Variants in ARHGAP32 observed in about 807,000 individuals in gnomAD.
ARHGAP32 encodes rho GTPase-activating protein 32.
A neutral mutation model predicts 186.5 loss-of-function variants in ARHGAP32; 51 were observed. The observed-to-expected ratio is 0.27, with a 90% CI of 0.22 to 0.35. The LOEUF is 0.35. Among genes scored for constraint, ARHGAP32 ranks in the 10% least tolerant of loss-of-function variants. ARHGAP32 has a pLI of 1.00. For missense variants in ARHGAP32, 2,186 were observed against 2,623.5 expected (o/e 0.83, Z 3.64); for synonymous variants, 950 against 964.3 (o/e 0.99, Z 0.27).
intron 1 of ARHGAP32, among the ~76,000 whole-genome samples, chr11:129,234,134 G>A (rs566533603): frequency 5.5e-4 from 84 of 151,960 alleles, no homozygotes; most frequent in Admixed American, 9.2e-4. Flanking sequence ...AAAAACAAAG[G>A]CTATTGCAAT....
At chr11:129,201,662 T>C (rs892697886) in intron 1 of ARHGAP32, among the ~76,000 whole-genome samples, 2 of 152,140 alleles carry the variant, frequency 1.3e-5, no homozygotes, top group African/African-American at 2.4e-5. Context: ...AACATTTACA[T>C]GTAGTGGTTA....
At chr11:129,227,607 G>A (rs1172020305) in intron 1 of ARHGAP32, among the ~76,000 whole-genome samples, 1 of 151,896 alleles carries the variant, frequency 6.6e-6, no homozygotes, top group Non-Finnish European at 1.5e-5. Flanking sequence ...ATACCAAAAG[G>A]AGAGATGAAA....
intron 10 of ARHGAP32, among the ~76,000 whole-genome samples, chr11:129,047,893 T>C (rs1939880478): frequency 6.6e-6 from 1 of 152,134 alleles, no homozygotes; most frequent in African/African-American, 2.4e-5. Flanking sequence ...TTGTTAGAAT[T>C]AGGAAATATT....
At chr11:129,076,279 C>T (rs1259149872) in intron 6 of ARHGAP32, among the ~76,000 whole-genome samples, 3 of 152,176 alleles carry the variant, frequency 2.0e-5, no homozygotes, top group Non-Finnish European at 4.4e-5. Context: ...AAATAGCCAA[C>T]GAGCGGCCCA....
intron 1 of ARHGAP32, among the ~76,000 whole-genome samples, chr11:129,268,664 C>CAAAAAAAAAAA (rs58858606): frequency 1.5e-4 from 7 of 46,398 alleles, no homozygotes; most frequent in East Asian, 8.8e-4. Context: ...GCCTCCTCAC[C>CAAAAAAAAAAA]AAAAAAAAAA....
At chr11:129,149,057 T>A (rs1943233514) in intron 2 of ARHGAP32, among the ~76,000 whole-genome samples, 1 of 152,190 alleles carries the variant, frequency 6.6e-6, no homozygotes, top group Non-Finnish European at 1.5e-5. Flanking sequence ...GGGGGCTTTA[T>A]GGCCCCATCC....
chr11:129,190,512 C>T (rs1944249668), intron 1 of ARHGAP32, among the ~76,000 whole-genome samples: 1 of 152,210 alleles, frequency 6.6e-6, no homozygotes, highest in Non-Finnish European at 1.5e-5. Context: ...AGCTCAGTTT[C>T]TCAGAGTGAA....
chr11:129,185,552 G>GT (rs1432601726), intron 1 of ARHGAP32, among the ~76,000 whole-genome samples: 8 of 152,108 alleles, frequency 5.3e-5, no homozygotes, highest in African/African-American at 1.9e-4. Context: ...GTATACATAT[G>GT]TAACAAACCT....
chr11:129,258,656 G>A (rs1945284768), intron 1 of ARHGAP32, among the ~76,000 whole-genome samples: 1 of 152,128 alleles, frequency 6.6e-6, no homozygotes, highest in African/African-American at 2.4e-5. Context: ...CACAAAAAGA[G>A]CTTAAAGAAC....
At chr11:129,138,401 G>T (rs1303037383) in intron 2 of ARHGAP32, among the ~76,000 whole-genome samples, 3 of 151,004 alleles carry the variant, frequency 2.0e-5, no homozygotes, top group Non-Finnish European at 4.4e-5. Flanking sequence ...ACCACATAGA[G>T]AACAGTTCAT....
At chr11:129,068,101 G>A (rs1404217911) in intron 6 of ARHGAP32, among the ~76,000 whole-genome samples, 1 of 152,044 alleles carries the variant, frequency 6.6e-6, no homozygotes, top group Non-Finnish European at 1.5e-5. Context: ...AGTCTGGAAA[G>A]GGATCCAGTT....
intron 1 of ARHGAP32, among the ~76,000 whole-genome samples, chr11:129,232,048 A>G (rs1944866596): frequency 6.9e-6 from 1 of 144,348 alleles, no homozygotes; most frequent in South Asian, 2.3e-4. Flanking sequence ...AAAAAAAAAA[A>G]AAGAGACTGC....
intron 1 of ARHGAP32, among the ~76,000 whole-genome samples, chr11:129,241,270 T>C (rs1945014133): frequency 6.6e-6 from 1 of 152,220 alleles, no homozygotes; most frequent in Non-Finnish European, 1.5e-5. Context: ...AAAACTTCAT[T>C]AAATTTCCTT....
chr11:129,162,933 G>C (rs1943560887), intron 2 of ARHGAP32, among the ~76,000 whole-genome samples: 1 of 151,988 alleles, frequency 6.6e-6, no homozygotes, highest in African/African-American at 2.4e-5. Context: ...ATTTTTTTCT[G>C]AGCTCAAACT....
intron 1 of ARHGAP32, among the ~76,000 whole-genome samples, chr11:129,268,026 G>A (rs543550936): frequency 7.3e-4 from 111 of 152,214 alleles, no homozygotes; most frequent in Non-Finnish European, 1.4e-3. Flanking sequence ...CCTCCTATTA[G>A]GCCCCAACTT....
intron 6 of ARHGAP32, among the ~76,000 whole-genome samples, chr11:129,076,880 G>GA (rs1941058492): frequency 6.6e-6 from 1 of 152,154 alleles, no homozygotes; most frequent in Non-Finnish European, 1.5e-5. Context: ...CAAACCGTTG[G>GA]AAAAAAGCAG....
intron 1 of ARHGAP32, among the ~76,000 whole-genome samples, chr11:129,171,209 A>T (rs1434274983): frequency 8.5e-5 from 13 of 152,130 alleles, no homozygotes; most frequent in Admixed American, 8.5e-4. Flanking sequence ...CTCTTATTGC[A>T]ATTGCTTTTG....
chr11:128,999,293 G>GGA (rs1385173900), intron 11 of ARHGAP32, among the ~76,000 whole-genome samples: 1 of 152,150 alleles, frequency 6.6e-6, no homozygotes, highest in Non-Finnish European at 1.5e-5. Context: ...GGTGCCCCCA[G>GGA]GCTTACTAGG....
At chr11:129,228,343 T>A (rs1944812932) in intron 1 of ARHGAP32, among the ~76,000 whole-genome samples, 1 of 151,732 alleles carries the variant, frequency 6.6e-6, no homozygotes, top group South Asian at 2.1e-4. Context: ...AGCAAGCAGA[T>A]AAAAATAGTA....
Sources: allele counts gnomAD v4.1 joint callset (sites outside exome capture counted in the v4.1 genomes callset), GRCh38; gene constraint gnomAD v4.1.1; transcripts MANE v1.5; gene names NCBI Gene and HGNC (gene_info 2026-07-23, HGNC 2026-07-21).